The following TTC7A variants were observed in gnomAD, a reference collection of about 807,000 sequenced individuals.
The protein encoded by TTC7A is tetratricopeptide repeat protein 7A.
A neutral mutation model predicts 103.7 loss-of-function variants in TTC7A; 110 were observed. The ratio of observed to expected loss-of-function variants is 1.06; its 90% CI spans 0.91 to 1.24. The LOEUF (loss-of-function observed/expected upper bound fraction) is 1.24. Ranked by LOEUF, TTC7A falls within the 50% of genes most tolerant of loss-of-function variation. The pLI, the probability that TTC7A is intolerant of heterozygous loss-of-function variation, is 0.00. For synonymous variants in TTC7A, 521 were observed against 467.9 expected, an observed-to-expected ratio of 1.11 and a Z score of -1.47; for missense variants, 1,340 against 1,116.3, an observed-to-expected ratio of 1.20 and a Z score of -2.86.
At position 46,996,285 on chromosome 2, in the gene TTC7A, G is replaced by A. The variant is rs143169229; in HGVS notation, c.1065+1086G>A. Among the ~76,000 whole-genome samples the A allele has an allele frequency of 2.9e-3, 441 of 152,290 alleles. 4 individuals are homozygous for A. Among genetic ancestry groups the A allele is most frequent in the African/African-American group, 9.8e-3 (407 of 41,564 alleles). On this transcript the variant is annotated intron_variant, in intron 8 of 19. Transcript: ENST00000319190. Reference sequence around the variant, plus strand: ...CTACATGGTCAGGTCCAAGTCCTCCGACCAAGGGGCCCATCAGAGCTGGTG... The same window carrying A: ...CTACATGGTCAGGTCCAAGTCCTCCAACCAAGGGGCCCATCAGAGCTGGTG...
rs117494191 is a variant in TTC7A at position 47,041,317 on chromosome 2, G to A, written c.1803-4998G>A. ...TGTGCTCAGCACTGTGCCAGACGCT[G>A]GGGGAGGGCAGCGGGGCCCTGCCTG... On this transcript the variant is annotated intron_variant, in intron 15 of 19. Coordinates refer to ENST00000319190, the MANE Select transcript of TTC7A (RefSeq NM_020458.4). 1.0e-3 allele frequency among the ~76,000 whole-genome samples: 153 copies of A among 152,362 alleles called. 2 individuals are homozygous for A. The East Asian group carries it at 0.024, about 23-fold the overall frequency.
In TTC7A at chr2:47,046,415, A is replaced by T; in HGVS notation, c.1903A>T (p.Ser635Cys). 1 of 1,614,024 alleles carries T rather than the reference A, an allele frequency of 6.2e-7. No individual in the cohort carries two copies. Among genetic ancestry groups the T allele is most frequent in the Non-Finnish European group, 8.5e-7 (1 of 1,179,904 alleles). Residue 635 changes from serine to cysteine, a missense_variant, in exon 16 of 20, where the codon AGC becomes TGC. Ser to Cys is a moderately radical substitution (Grantham distance 112). Transcript: ENST00000319190. ...QVLRLWQTLY[S>C]FSQLGGLEKD... is the part of the protein sequence containing the mutation. ...GCTGAGGCTGTGGCAGACCCTGTAC[A>T]GCTTCTCCCAGCTGGGGTGAGTGGC...
At chr2:46,951,711 G>C (rs1671432645) in intron 2 of TTC7A, 1 of 454,092 alleles carries the variant, frequency 2.2e-6, no homozygotes, top group Non-Finnish European at 4.4e-6. Flanking sequence ...GCGCCCAGCT[G>C]ATTTTTAAAG....
At chr2:46,982,781 T>C (rs899570663) in intron 5 of TTC7A, among the ~76,000 whole-genome samples, 2 of 152,094 alleles carry the variant, frequency 1.3e-5, no homozygotes, top group South Asian at 2.1e-4. Flanking sequence ...CTGGACAACA[T>C]AGTGAGACCG....
intron 18 of TTC7A, among the ~76,000 whole-genome samples, chr2:47,058,229 A>G (rs1013963989): frequency 6.6e-6 from 1 of 152,144 alleles, no homozygotes; most frequent in Non-Finnish European, 1.5e-5. Context: ...TTTCTCTCCC[A>G]TATCCAGGAA....
chr2:47,023,353 G>A lies in TTC7A; in HGVS notation c.1511-55G>A, dbSNP rs1299336082. On this transcript the variant is annotated intron_variant, in intron 12 of 19. Coordinates refer to ENST00000319190, the MANE Select transcript of TTC7A (RefSeq NM_020458.4). ...GTGCTTTGAGGATGGTGCAGGGCTG[G>A]GCCGGCACCCTTCAGTGACCCCTGA... 15 of 1,591,774 alleles carry A rather than the reference G, an allele frequency of 9.4e-6. No individual in the cohort carries two copies. The African/African-American group carries it at 1.3e-4, about 14-fold the overall frequency.
At chr2:47,017,826 GC>G (rs1158400543) in intron 11 of TTC7A, among the ~76,000 whole-genome samples, 1 of 152,118 alleles carries the variant, frequency 6.6e-6, no homozygotes, top group Non-Finnish European at 1.5e-5. Context: ...TTGTCATGTA[GC>G]TATGAGGAAC....
chr2:47,033,616 AACTT>A (rs1176170155), intron 15 of TTC7A, among the ~76,000 whole-genome samples: 3 of 152,214 alleles, frequency 2.0e-5, no homozygotes, highest in African/African-American at 7.2e-5. Flanking sequence ...CACCTGCAGC[AACTT>A]ACTCCTCTTC....
chr2:47,073,868 A>C lies in TTC7A; in HGVS notation c.2522A>C (p.Glu841Ala), dbSNP rs895844058. 2.5e-6 allele frequency: 4 copies of C among 1,613,458 alleles called. No individual in the cohort carries two copies. The highest frequency in any genetic ancestry group is 3.4e-6 in the Non-Finnish European group (4 of 1,180,010). ...AAVDCFLTAL[E>A]LEASSPVLPF... ...GTTGACTGCTTCCTCACCGCCCTTGAGCTGGAGGCCAGCAGCCCTGTACTG... is the reference window on the plus strand; with the variant it reads ...GTTGACTGCTTCCTCACCGCCCTTGCGCTGGAGGCCAGCAGCCCTGTACTG... The change falls in exon 20 of 20, where the codon GAG becomes GCG. Residue 841 changes from glutamate (E) to alanine (A), a missense_variant. By Grantham distance (107) the Glu-to-Ala change is moderately radical (BLOSUM62 -1). Coordinates refer to ENST00000319190, the MANE Select transcript of TTC7A (RefSeq NM_020458.4).
At chr2:47,064,056 A>G (rs1683999110) in intron 19 of TTC7A, among the ~76,000 whole-genome samples, 1 of 152,168 alleles carries the variant, frequency 6.6e-6, no homozygotes, top group Admixed American at 6.5e-5. Context: ...GCAATAAGGG[A>G]TGTTTCTGTG....
intron 5 of TTC7A, among the ~76,000 whole-genome samples, chr2:46,980,142 A>G (rs940700731): frequency 1.5e-4 from 22 of 151,474 alleles, no homozygotes; most frequent in African/African-American, 5.3e-4. Context: ...TTTTGAATAC[A>G]TGATTGTTGC....
Position 47,030,739 on chromosome 2 carries a change from G to A in TTC7A, c.1802+1355G>A, listed in dbSNP as rs559492367. Among the ~76,000 whole-genome samples the A allele has an allele frequency of 4.6e-5, 7 of 152,266 alleles. No homozygotes were observed. The South Asian group carries it at 1.2e-3, about 27-fold the overall frequency. On this transcript the variant is annotated intron_variant, in intron 15 of 19. Coordinates refer to ENST00000319190, the MANE Select transcript of TTC7A (RefSeq NM_020458.4). ...TTCCCCCTCCATCCTGGCCTAGGCA[G>A]GTCCCCACTGCTCACAGCCAGGTGT...
intron 16 of TTC7A, among the ~76,000 whole-genome samples, chr2:47,049,326 C>T (rs369171909): frequency 4.6e-5 from 7 of 152,048 alleles, no homozygotes; most frequent in Admixed American, 4.6e-4. Context: ...CCGCTGCCCC[C>T]ACTCTGTGAA....
chr2:46,969,828 C>G (rs997580719), intron 3 of TTC7A, among the ~76,000 whole-genome samples: 1 of 152,166 alleles, frequency 6.6e-6, no homozygotes, highest in African/African-American at 2.4e-5. Context: ...TAGGCCCTGG[C>G]CATCACTGGG....
intron 15 of TTC7A, among the ~76,000 whole-genome samples, chr2:47,033,857 G>A (rs1680823025): frequency 1.3e-5 from 2 of 152,192 alleles, no homozygotes; most frequent in East Asian, 1.9e-4. Context: ...AGGAGGTGCT[G>A]GCAGCCGAGG....
rs1176643762 is a variant in TTC7A, at chr2:47,021,931, A to C, written c.1462A>C (p.Lys488Gln). The C allele has an allele frequency of 6.2e-7, 1 of 1,614,014 alleles. No individual in the cohort carries two copies. Among genetic ancestry groups the C allele is most frequent in the African/African-American group, 1.3e-5 (1 of 74,942 alleles). The stretch of plus-strand genomic sequence containing the variant: ...AGAGGAAGCCGGGGAGTTCCTCCCC[A>C]AGGGCTACCTGGCTCTGGGTCTCAC... ...LGEEAGEFLP[K>Q]GYLALGLTYS... is the part of the protein sequence containing the mutation. Residue 488 changes from lysine (K) to glutamine (Q), a missense_variant, in exon 12 of 20, where the codon AAG (lysine) becomes CAG (glutamine). Transcript: ENST00000319190.
At chr2:47,025,816 C>A (rs1224500793) in intron 14 of TTC7A, among the ~76,000 whole-genome samples, 2 of 152,196 alleles carry the variant, frequency 1.3e-5, no homozygotes, top group African/African-American at 4.8e-5. Context: ...CACCCTGTCC[C>A]CACTCCTCAC....
chr2:47,069,712 G>T (rs1193652619), intron 19 of TTC7A, among the ~76,000 whole-genome samples: 6 of 152,220 alleles, frequency 3.9e-5, no homozygotes, highest in Non-Finnish European at 7.3e-5. Flanking sequence ...ACACCTGAGA[G>T]AATCCGGAAT....
chr2:47,012,439 G>A (rs914739146), intron 11 of TTC7A, among the ~76,000 whole-genome samples: 9 of 152,138 alleles, frequency 5.9e-5, no homozygotes, highest in African/African-American at 1.9e-4. Context: ...ACTTCCCCTG[G>A]AGATGGCCTC....
Sources: gnomAD v4.1 joint callset for allele counts (sites outside exome capture counted in the v4.1 genomes callset) on GRCh38, gnomAD v4.1.1 for gene constraint, MANE v1.5 for transcripts, NCBI Gene and HGNC (gene_info 2026-07-23, HGNC 2026-07-21) for gene names.